Variants in FBXW7 observed in about 807,000 individuals in gnomAD.
FBXW7 encodes F-box and WD repeat domain containing 7.
In FBXW7, 11 loss-of-function variants were observed where a neutral mutation model predicts 86.3. The ratio of observed to expected loss-of-function variants is 0.13; its 90% CI spans 0.08 to 0.21. FBXW7 has a LOEUF of 0.21. Among genes scored for constraint, FBXW7 ranks in the 10% least tolerant of loss-of-function variants. FBXW7 has a pLI of 1.00. For missense variants in FBXW7, 488 were observed against 847.4 expected (o/e 0.58, Z 5.27); for synonymous variants, 313 against 297.9 (o/e 1.05, Z -0.52).
intron 4 of FBXW7, among the ~76,000 whole-genome samples, chr4:152,375,484 T>C (rs1036007306): frequency 4.6e-5 from 7 of 152,010 alleles, no homozygotes; most frequent in Non-Finnish European, 8.8e-5. Context: ...GAAAATAATA[T>C]AGGTGACAAG....
At chr4:152,326,483 G>C (rs755768687) in intron 11 of FBXW7, among the ~76,000 whole-genome samples, 1 of 151,938 alleles carries the variant, frequency 6.6e-6, no homozygotes, top group Non-Finnish European at 1.5e-5. Flanking sequence ...CTTAGGTTCA[G>C]CACCTTAAGG....
intron 4 of FBXW7, among the ~76,000 whole-genome samples, chr4:152,374,930 G>A (rs1015255418): frequency 1.3e-5 from 2 of 151,962 alleles, no homozygotes; most frequent in Non-Finnish European, 2.9e-5. Context: ...TTATATTTCC[G>A]TATGTTAAGG....
intron 2 of FBXW7, among the ~76,000 whole-genome samples, chr4:152,453,628 G>A (rs1742116987): frequency 6.6e-6 from 1 of 152,130 alleles, no homozygotes; most frequent in African/African-American, 2.4e-5. Flanking sequence ...AAAAATACAA[G>A]AGGAAGGATG....
intron 4 of FBXW7, among the ~76,000 whole-genome samples, chr4:152,398,673 C>CTT (rs1361961444): frequency 6.6e-5 from 10 of 152,000 alleles, no homozygotes; most frequent in Admixed American, 6.6e-4. Flanking sequence ...ACCATATTTT[C>CTT]TTTTCTCTGT....
intron 2 of FBXW7, among the ~76,000 whole-genome samples, chr4:152,520,106 T>C (rs1243985884): frequency 6.6e-6 from 1 of 152,192 alleles, no homozygotes; most frequent in Admixed American, 6.5e-5. Flanking sequence ...TCTCCTTCCT[T>C]GCCAATTCTT....
intron 2 of FBXW7, among the ~76,000 whole-genome samples, chr4:152,413,177 C>T (rs1738128469): frequency 6.6e-6 from 1 of 152,050 alleles, no homozygotes; most frequent in Non-Finnish European, 1.5e-5. Context: ...AAAACACAAA[C>T]ATCAACAAAC....
chr4:152,510,241 C>A (rs950803612), intron 2 of FBXW7, among the ~76,000 whole-genome samples: 1 of 152,162 alleles, frequency 6.6e-6, no homozygotes, highest in Admixed American at 6.5e-5. Flanking sequence ...TCAATAAACA[C>A]TAAGTTATAA....
intron 5 of FBXW7, among the ~76,000 whole-genome samples, chr4:152,349,783 A>T (rs1345158714): frequency 6.6e-6 from 1 of 151,862 alleles, no homozygotes; most frequent in African/African-American, 2.4e-5. Flanking sequence ...ATTCCTTAAA[A>T]ATTGTAATTT....
chr4:152,393,926 A>C (rs1230436048), intron 4 of FBXW7, among the ~76,000 whole-genome samples: 1 of 152,154 alleles, frequency 6.6e-6, no homozygotes, highest in Non-Finnish European at 1.5e-5. Context: ...CATCATTTTT[A>C]AACCTGATCT....
intron 2 of FBXW7, among the ~76,000 whole-genome samples, chr4:152,507,054 A>C (rs1029780962): frequency 1.3e-5 from 2 of 152,228 alleles, no homozygotes; most frequent in African/African-American, 4.8e-5. Context: ...TCCCTTTTCC[A>C]ACCATCTAGA....
intron 2 of FBXW7, among the ~76,000 whole-genome samples, chr4:152,520,199 C>T (rs929203137): frequency 1.3e-5 from 2 of 151,276 alleles, no homozygotes; most frequent in African/African-American, 4.9e-5. Context: ...TTTGGGAGGC[C>T]GAGGCGGGTG....
intron 2 of FBXW7, among the ~76,000 whole-genome samples, chr4:152,461,793 T>C (rs1481718907): frequency 6.6e-6 from 1 of 152,242 alleles, no homozygotes; most frequent in Admixed American, 6.5e-5. Flanking sequence ...GTTGTATGAT[T>C]CTAATGGGCT....
chr4:152,398,212 A>C (rs1459702482), intron 4 of FBXW7, among the ~76,000 whole-genome samples: 1 of 151,966 alleles, frequency 6.6e-6, no homozygotes, highest in Non-Finnish European at 1.5e-5. Context: ...GCACATATTA[A>C]ATATATTTAA....
intron 2 of FBXW7, among the ~76,000 whole-genome samples, chr4:152,453,142 C>G (rs1054407741): frequency 1.3e-5 from 2 of 152,136 alleles, no homozygotes; most frequent in African/African-American, 4.8e-5. Flanking sequence ...CAAGATCGCA[C>G]CATTGCACTC....
chr4:152,353,118 G>T (rs1207749779), intron 4 of FBXW7: 2 of 553,014 alleles, frequency 3.6e-6, no homozygotes, highest in Non-Finnish European at 4.9e-6. Context: ...CCACAAATAA[G>T]TCTTTTCAGA....
intron 7 of FBXW7, among the ~76,000 whole-genome samples, chr4:152,334,170 A>C (rs571933114): frequency 3.2e-4 from 49 of 152,226 alleles, no homozygotes; most frequent in Non-Finnish European, 6.5e-4. Context: ...ACTACTGATG[A>C]ATGATAGTGA....
At chr4:152,456,690 G>A (rs1434328890) in intron 2 of FBXW7, among the ~76,000 whole-genome samples, 1 of 152,136 alleles carries the variant, frequency 6.6e-6, no homozygotes, top group Non-Finnish European at 1.5e-5. Context: ...TTATTATACA[G>A]CTACTAAAAC....
intron 4 of FBXW7, among the ~76,000 whole-genome samples, chr4:152,373,309 G>A (rs1734172059): frequency 6.6e-6 from 1 of 151,910 alleles, no homozygotes; most frequent in Non-Finnish European, 1.5e-5. Flanking sequence ...CTAGAGTAGT[G>A]CCTCTTCTAC....
At chr4:152,447,552 AGAAAAG>A (rs957158349) in intron 2 of FBXW7, among the ~76,000 whole-genome samples, 5 of 152,260 alleles carry the variant, frequency 3.3e-5, no homozygotes, top group Non-Finnish European at 7.3e-5. Context: ...TAAAAGGCAT[AGAAAAG>A]GAAAACAAAA....
Sources: allele counts gnomAD v4.1 joint callset (sites outside exome capture counted in the v4.1 genomes callset), GRCh38; gene constraint gnomAD v4.1.1; transcripts MANE v1.5; gene names NCBI Gene and HGNC (gene_info 2026-07-23, HGNC 2026-07-21).